VPS41: variants seen among roughly 807,000 people sequenced by gnomAD.
VPS41 encodes VPS41 subunit of HOPS complex.
VPS41 carries 85 observed loss-of-function variants against 130.9 expected under a neutral mutation model. The observed-to-expected ratio is 0.65, with a 90% CI of 0.55 to 0.78. The LOEUF (loss-of-function observed/expected upper bound fraction) is 0.78. Ranked by LOEUF, VPS41 falls within the 30% of genes least tolerant of loss-of-function variation. The pLI, the probability that VPS41 is intolerant of heterozygous loss-of-function variation, is 0.00. For missense variants in VPS41, 874 were observed against 1,018.7 expected (o/e 0.86, Z 1.93); for synonymous variants, 335 against 332.9 (o/e 1.01, Z -0.07).
At position 38,743,491 on chromosome 7, in the gene VPS41, T is replaced by C. The variant is rs768149244; in HGVS notation, c.2033A>G (p.His678Arg). The C allele has an allele frequency of 4.3e-6, 7 of 1,613,894 alleles. No homozygotes were observed. The highest frequency in any genetic ancestry group is 2.2e-5 in the South Asian group (2 of 91,076). The change falls in exon 24 of 29, where the codon CAT (histidine) becomes CGT (arginine). Residue 678 changes from histidine to arginine, a missense_variant. Physicochemically the swap from His to Arg is conservative, Grantham distance 29. Transcript: ENST00000310301. ...SALKMIMEEL[H>R]DVDKAIEFAK... Reference sequence around the variant, plus strand: ...AAATTCGATTGCTTTATCAACATCATGTAATTCCTCCATAATCATCTTCAG... The same window carrying C: ...AAATTCGATTGCTTTATCAACATCACGTAATTCCTCCATAATCATCTTCAG...
At chr7:38,835,869 T>C (rs1358552694) in intron 4 of VPS41, among the ~76,000 whole-genome samples, 1 of 151,888 alleles carries the variant, frequency 6.6e-6, no homozygotes, top group African/African-American at 2.4e-5. Flanking sequence ...GTACAATGAT[T>C]ATACTCAATC....
intron 13 of VPS41, among the ~76,000 whole-genome samples, chr7:38,771,601 C>T (rs1784154149): frequency 6.6e-6 from 1 of 151,932 alleles, no homozygotes; most frequent in African/African-American, 2.4e-5. Context: ...AGTCTCCATA[C>T]AAAAAAAGGC....
chr7:38,735,737 G>A (rs375033325), intron 25 of VPS41, among the ~76,000 whole-genome samples: 5 of 152,190 alleles, frequency 3.3e-5, no homozygotes. Flanking sequence ...CTGAATAAAT[G>A]TGTTTATAAG....
At chr7:38,855,208 C>CAAAA (rs746134361) in intron 4 of VPS41, among the ~76,000 whole-genome samples, 7 of 77,212 alleles carry the variant, frequency 9.1e-5, no homozygotes, top group African/African-American at 2.3e-4. Flanking sequence ...GACTCCCTCT[C>CAAAA]AAAAAAAAAA....
At chr7:38,804,322 C>T (rs1026759942) in intron 7 of VPS41, among the ~76,000 whole-genome samples, 2 of 152,154 alleles carry the variant, frequency 1.3e-5, no homozygotes, top group Non-Finnish European at 1.5e-5. Context: ...TTCTGATCCT[C>T]TCCCTTCTCC....
chr7:38,734,706 A>G (rs1156851953), intron 25 of VPS41, among the ~76,000 whole-genome samples: 12 of 152,234 alleles, frequency 7.9e-5, no homozygotes, highest in Non-Finnish European at 2.9e-5. Flanking sequence ...AATGCCATCA[A>G]AAGTTGCCAA....
At chr7:38,878,077 T>A (rs1313524656) in intron 2 of VPS41, among the ~76,000 whole-genome samples, 1 of 152,200 alleles carries the variant, frequency 6.6e-6, no homozygotes, top group Non-Finnish European at 1.5e-5. Flanking sequence ...CTCTATCACC[T>A]GGGCAGTGCC....
rs746592898 is a variant in VPS41, at chr7:38,774,151, C to G, written c.976G>C (p.Gly326Arg). The G allele has an allele frequency of 3.1e-6, 5 of 1,608,744 alleles. No homozygotes were observed. The highest frequency in any genetic ancestry group is 4.3e-6 in the Non-Finnish European group (5 of 1,176,182). ...EISSDALTVR[G>R]FQENECRDYH... is the part of the protein sequence containing the mutation. ...TCTCTACATTCATTCTCCTGAAAGC[C>G]TCTGACTGTCAAAGCATCAGAAGAG... The change falls in exon 12 of 29, where the codon GGC becomes CGC. Residue 326 changes from glycine (G) to arginine (R), a missense_variant. Gly to Arg is a moderately radical substitution (Grantham distance 125). Transcript: ENST00000310301.
chr7:38,777,609 T>C (rs185248706), intron 10 of VPS41, among the ~76,000 whole-genome samples: 10 of 152,304 alleles, frequency 6.6e-5, no homozygotes, highest in Admixed American at 3.9e-4. Context: ...ATTACAGAGA[T>C]CCTTCCAGAA....
intron 7 of VPS41, among the ~76,000 whole-genome samples, chr7:38,817,159 A>G (rs765026441): frequency 1.1e-4 from 17 of 152,146 alleles, no homozygotes; most frequent in Non-Finnish European, 2.1e-4. Flanking sequence ...GATTTTCTAC[A>G]AGGAAAAAAA....
chr7:38,819,288 T>A (rs2116110654), intron 6 of VPS41, among the ~76,000 whole-genome samples: 1 of 152,350 alleles, frequency 6.6e-6, no homozygotes, highest in South Asian at 2.1e-4. Flanking sequence ...CTTCCAAGAT[T>A]ATCTTCCCTA....
chr7:38,845,539 G>A (rs1324073924), intron 4 of VPS41, among the ~76,000 whole-genome samples: 1 of 152,216 alleles, frequency 6.6e-6, no homozygotes, highest in Middle Eastern at 3.2e-3. Context: ...GCTACTAAGA[G>A]AAAGTTAAAT....
chr7:38,765,763 A>C, intron 15 of VPS41, 102 bp from the exon 16 acceptor site: 1 of 689,544 alleles, frequency 1.5e-6, no homozygotes, highest in Non-Finnish European at 2.4e-6. Context: ...GGTTTAGAGA[A>C]ATCTCTCTTC....
intron 17 of VPS41, 32 bp downstream of exon 17, chr7:38,763,423 C>A: frequency 1.4e-6 from 2 of 1,441,208 alleles, no homozygotes; most frequent in Non-Finnish European, 1.9e-6. Context: ...CCATCGAGAA[C>A]AAGTAAATAT....
chr7:38,890,927 C>G (rs1413841551), intron 2 of VPS41, among the ~76,000 whole-genome samples: 1 of 152,088 alleles, frequency 6.6e-6, no homozygotes, highest in African/African-American at 2.4e-5. Flanking sequence ...CTCAAGTGAT[C>G]CTCCCGCCTT....
At chr7:38,811,045 C>G (rs1200101128) in intron 7 of VPS41, among the ~76,000 whole-genome samples, 5 of 152,048 alleles carry the variant, frequency 3.3e-5, no homozygotes, top group Non-Finnish European at 7.4e-5. Context: ...TAAAAATTTG[C>G]GAACACTTTC....
At position 38,812,996 on chromosome 7, in the gene VPS41, T is replaced by C. The variant is rs190630804; in HGVS notation, c.450+4821A>G. On this transcript the variant is annotated intron_variant, in intron 7 of 28. Coordinates refer to ENST00000310301, the MANE Select transcript of VPS41 (RefSeq NM_014396.4). ...TGGCAATTCTTCAAAATGTCCAACATAGAGTTACTATATGATTCAACAATT... is the reference window on the plus strand; with the variant it reads ...TGGCAATTCTTCAAAATGTCCAACACAGAGTTACTATATGATTCAACAATT... Among the ~76,000 whole-genome samples the C allele has an allele frequency of 5.3e-5, 8 of 152,302 alleles. No individual in the cohort carries two copies. In the East Asian group the frequency reaches 1.3e-3, roughly 26 times the overall value.
At chr7:38,770,181 A>G (rs1476669120) in intron 14 of VPS41, among the ~76,000 whole-genome samples, 1 of 151,842 alleles carries the variant, frequency 6.6e-6, no homozygotes, top group South Asian at 2.1e-4. Flanking sequence ...AGGCAGGAGA[A>G]TCGCTTGAAC....
At chr7:38,901,869 C>CA (rs957819210) in intron 1 of VPS41, among the ~76,000 whole-genome samples, 29 of 150,332 alleles carry the variant, frequency 1.9e-4, no homozygotes, top group South Asian at 6.3e-4. Context: ...CCTGTCTCTA[C>CA]AAAAAAAAAT....
Sources: allele counts gnomAD v4.1 joint callset (sites outside exome capture counted in the v4.1 genomes callset), GRCh38; gene constraint gnomAD v4.1.1; transcripts MANE v1.5; gene names NCBI Gene and HGNC (gene_info 2026-07-23, HGNC 2026-07-21).